Variants in BFSP2 observed in about 807,000 individuals in gnomAD.
BFSP2 encodes beaded filament structural protein 2, also known as phakinin.
BFSP2 carries 38 observed loss-of-function variants against 44.9 expected under a neutral mutation model. That is an observed-to-expected ratio of 0.85 (90% CI 0.65 to 1.11). The LOEUF is 1.11. Ranked by LOEUF, BFSP2 falls within the 50% of genes least tolerant of loss-of-function variation. BFSP2 has a pLI of 0.00. For missense variants in BFSP2, 525 were observed against 533.0 expected, an observed-to-expected ratio of 0.99 and a Z score of 0.15; for synonymous variants, 197 against 209.9, an observed-to-expected ratio of 0.94 and a Z score of 0.53.
intron 4 of BFSP2, among the ~76,000 whole-genome samples, chr3:133,454,391 G>A (rs1033874064): frequency 3.3e-5 from 5 of 152,232 alleles, no homozygotes; most frequent in Admixed American, 1.3e-4. Flanking sequence ...CACCAAATAT[G>A]TAGGTTTGTT....
intron 4 of BFSP2, among the ~76,000 whole-genome samples, chr3:133,459,128 C>T (rs2074039314): frequency 6.6e-6 from 1 of 152,074 alleles, no homozygotes; most frequent in African/African-American, 2.4e-5. Flanking sequence ...TCCCTTGAGG[C>T]CAGGAGTTTG....
chr3:133,449,146 T>TA (rs1485667586), intron 3 of BFSP2: 2 of 158,146 alleles, frequency 1.3e-5, no homozygotes, highest in African/African-American at 4.8e-5. Flanking sequence ...ACCTCACACA[T>TA]ATTACTGTCT....
intron 4 of BFSP2, among the ~76,000 whole-genome samples, chr3:133,464,163 T>G (rs2074088789): frequency 6.6e-6 from 1 of 152,208 alleles, no homozygotes; most frequent in South Asian, 2.1e-4. Flanking sequence ...ACTGGGGTAT[T>G]GATCATAAGA....
chr3:133,449,894 A>AGAAG lies in BFSP2; in HGVS notation c.730-394_730-391dup, dbSNP rs532666527. Among the ~76,000 whole-genome samples the AGAAG allele has an allele frequency of 2.6e-3, 387 of 151,554 alleles. 2 individuals carry two copies. Among genetic ancestry groups the AGAAG allele is most frequent in the African/African-American group, 9.0e-3 (369 of 41,190 alleles). The stretch of plus-strand genomic sequence containing the variant: ...ACAGAGTGAGACCCTGTCAAAAAAA[A>AGAAG]GAAGGAAGGAAGGAAGGAGAGAGAG... On this transcript the variant is annotated intron_variant, in intron 3 of 6. Transcript: ENST00000302334.
At chr3:133,425,329 G>A (rs539610145) in intron 1 of BFSP2, among the ~76,000 whole-genome samples, 10 of 152,334 alleles carry the variant, frequency 6.6e-5, no homozygotes, top group African/African-American at 2.4e-4. Flanking sequence ...TACATGCCAA[G>A]CACTGTGCTG....
intron 1 of BFSP2, among the ~76,000 whole-genome samples, chr3:133,419,833 C>T (rs1441986377): frequency 6.6e-6 from 1 of 152,242 alleles, no homozygotes; most frequent in African/African-American, 2.4e-5. Context: ...ATGTGCTGAG[C>T]AGTCAGCACT....
At position 133,448,539 on chromosome 3, in the gene BFSP2, C is replaced by CT; in HGVS notation, c.624dup (p.Leu209SerfsTer3). 1 of 1,614,068 alleles carries CT rather than the reference C, an allele frequency of 6.2e-7. No homozygotes were observed. The highest frequency in any genetic ancestry group is 1.1e-5 in the South Asian group (1 of 91,072). On this transcript the variant is annotated frameshift_variant, in exon 3 of 7. Transcript: ENST00000302334. LOFTEE classifies it high-confidence loss of function. ...AAGGCGGCAGAAGAGGAAATTAACT[C>CT]TCTGTATAAAGTCATTGATGAGGCT...
intron 1 of BFSP2, among the ~76,000 whole-genome samples, chr3:133,435,655 A>G (rs1362958485): frequency 6.6e-6 from 1 of 152,264 alleles, no homozygotes; most frequent in African/African-American, 2.4e-5. Context: ...AAGCTGAACC[A>G]ATGGATATGT....
At chr3:133,442,314 T>TTTTTG (rs1020289728) in intron 1 of BFSP2, among the ~76,000 whole-genome samples, 2 of 152,074 alleles carry the variant, frequency 1.3e-5, no homozygotes, top group African/African-American at 4.8e-5. Context: ...AAATTCTGTT[T>TTTTTG]TTTTGTTTTG....
intron 1 of BFSP2, among the ~76,000 whole-genome samples, chr3:133,403,515 G>T (rs1215372501): frequency 6.6e-6 from 1 of 151,902 alleles, no homozygotes; most frequent in African/African-American, 2.4e-5. Flanking sequence ...GACCTCCTTA[G>T]CCTGGGCCCC....
At chr3:133,438,550 A>G (rs1050849346) in intron 1 of BFSP2, among the ~76,000 whole-genome samples, 1 of 150,474 alleles carries the variant, frequency 6.6e-6, no homozygotes, top group Admixed American at 6.6e-5. Context: ...CAAAACAAAA[A>G]AAGAAAAAAG....
At chr3:133,431,575 CTT>C in intron 1 of BFSP2, among the ~76,000 whole-genome samples, 1 of 152,306 alleles carries the variant, frequency 6.6e-6, no homozygotes, top group South Asian at 2.1e-4. Context: ...CTGACTCCTT[CTT>C]GGCTTAGCGG....
intron 5 of BFSP2, among the ~76,000 whole-genome samples, chr3:133,467,435 C>T (rs2074122934): frequency 6.6e-6 from 1 of 152,164 alleles, no homozygotes; most frequent in Admixed American, 6.5e-5. Context: ...ACCACATCCT[C>T]GCTTAGTGCC....
intron 1 of BFSP2, among the ~76,000 whole-genome samples, chr3:133,425,799 G>GGGAAGGGAAGGGAAAT (rs1559964167): frequency 1.9e-5 from 2 of 107,380 alleles, no homozygotes; most frequent in Non-Finnish European, 4.2e-5. Context: ...GGAAGGGAAG[G>GGGAAGGGAAGGGAAAT]GAAGAAGGGA....
intron 1 of BFSP2, among the ~76,000 whole-genome samples, chr3:133,430,412 C>T (rs2073701646): frequency 1.3e-5 from 2 of 151,830 alleles, no homozygotes; most frequent in South Asian, 4.2e-4. Context: ...TCCTCTCCAG[C>T]ACCTGTTGTT....
chr3:133,448,502 C>T lies in BFSP2; in HGVS notation c.586C>T (p.Gln196Ter). Residue 196 changes from glutamine (Q) to a stop codon, truncating the protein, a stop_gained, in exon 3 of 7, where the codon CAG (glutamine) becomes TAG (stop). Coordinates refer to ENST00000302334, the MANE Select transcript of BFSP2 (RefSeq NM_003571.4). LOFTEE classifies it high-confidence loss of function. The part of the protein sequence containing the change: ...DDFKERYENE[Q>*]PFRKAAEEEI... ...CTTTATCTGCAGATATGAAAATGAG[C>T]AGCCATTTCGAAAGGCGGCAGAAGA... is the stretch of plus-strand genomic sequence containing the variant. 1 of 1,613,894 alleles carries T rather than the reference C, an allele frequency of 6.2e-7. No individual in the cohort carries two copies. The highest frequency in any genetic ancestry group is 8.5e-7 in the Non-Finnish European group (1 of 1,179,996).
At chr3:133,450,227 G>T (rs1410962890) in intron 3 of BFSP2, 76 bp from the exon 4 acceptor site, 3 of 1,539,464 alleles carry the variant, frequency 1.9e-6, no homozygotes, top group Non-Finnish European at 2.7e-6. Context: ...CCACAGAGCT[G>T]GTTTTCTGCT....
intron 1 of BFSP2, among the ~76,000 whole-genome samples, chr3:133,428,769 C>T (rs568641655): frequency 8.0e-4 from 122 of 152,318 alleles, no homozygotes; most frequent in African/African-American, 2.6e-3. Context: ...GCAGTCACCC[C>T]GCCCACTGTT....
In BFSP2 at chr3:133,450,472, G is replaced by A; in HGVS notation, c.891+8G>A. On this transcript the variant is annotated splice_region_variant and intron_variant, in intron 4 of 6. Coordinates refer to ENST00000302334, the MANE Select transcript of BFSP2 (RefSeq NM_003571.4). The stretch of plus-strand genomic sequence containing the variant: ...GCCCTGCTCCAAGCTAAGGTGAGAG[G>A]CAGGACCAGCATCCTCCACTCTGCC... 1 of 1,613,870 alleles carries A rather than the reference G, an allele frequency of 6.2e-7. No individual in the cohort carries two copies. Among genetic ancestry groups the A allele is most frequent in the Non-Finnish European group, 8.5e-7 (1 of 1,179,994 alleles).
Sources: gnomAD v4.1 joint callset for allele counts (sites outside exome capture counted in the v4.1 genomes callset) on GRCh38, gnomAD v4.1.1 for gene constraint, MANE v1.5 for transcripts, NCBI Gene and HGNC (gene_info 2026-07-23, HGNC 2026-07-21) for gene names.